DLGAP1: variants seen among roughly 807,000 people sequenced by gnomAD.
DLGAP1 encodes the protein DLG associated protein 1, also known as disks large-associated protein 1.
DLGAP1 carries 11 observed loss-of-function variants against 90.8 expected under a neutral mutation model. That is an observed-to-expected ratio of 0.12 (90% confidence interval 0.08 to 0.20). The LOEUF (loss-of-function observed/expected upper bound fraction) is 0.20. Ranked by LOEUF, DLGAP1 falls within the 10% of genes least tolerant of loss-of-function variation. The probability of loss-of-function intolerance (pLI) is 1.00; values close to 1 mark genes in which losing one functional copy is unlikely to be tolerated. For synonymous variants in DLGAP1, 558 were observed against 540.7 expected (o/e 1.03, Z -0.44); for missense variants, 1,050 against 1,333.8 (o/e 0.79, Z 3.31).
At chr18:4,246,570 C>T (rs538342108) in intron 1 of DLGAP1, among the ~76,000 whole-genome samples, 97 of 152,290 alleles carry the variant, frequency 6.4e-4, no homozygotes, top group Non-Finnish European at 1.1e-3. Context: ...GGCCTGGGGA[C>T]GCACAGTGTC....
rs532425017 is a variant in DLGAP1 at position 4,337,350 on chromosome 18, C to T, written c.-267+117656G>A. On this transcript the variant is annotated intron_variant, in intron 1 of 12. Coordinates refer to ENST00000315677, the MANE Select transcript of DLGAP1 (RefSeq NM_004746.4). ...CTGGGACTACAGGTGCATGCCACCA[C>T]GCCCGGCTAATTTTTCCTACTTTTT... Among the ~76,000 whole-genome samples, 5 of 151,774 alleles carry T rather than the reference C, an allele frequency of 3.3e-5. No individual in the cohort carries two copies. In the East Asian group the frequency reaches 5.9e-4, roughly 18 times the overall value.
At chr18:3,796,972 G>T (rs1156944818) in intron 5 of DLGAP1, among the ~76,000 whole-genome samples, 1 of 152,132 alleles carries the variant, frequency 6.6e-6, no homozygotes. Flanking sequence ...GGGCCTTTGG[G>T]AGGCAATTAG....
intron 2 of DLGAP1, among the ~76,000 whole-genome samples, chr18:4,146,259 C>T (rs1433050315): frequency 2.6e-5 from 4 of 152,130 alleles, no homozygotes; most frequent in African/African-American, 9.7e-5. Flanking sequence ...GGTAATAACA[C>T]GGCCCCCATT....
intron 2 of DLGAP1, among the ~76,000 whole-genome samples, chr18:4,014,526 T>C (rs1027344435): frequency 6.6e-6 from 1 of 152,116 alleles, no homozygotes; most frequent in African/African-American, 2.4e-5. Context: ...TATTGTACAC[T>C]TCAAAGTAGC....
chr18:4,048,799 C>A (rs1345489093), intron 2 of DLGAP1, among the ~76,000 whole-genome samples: 1 of 152,204 alleles, frequency 6.6e-6, no homozygotes, highest in African/African-American at 2.4e-5. Context: ...TGACTTTTGT[C>A]ACTATCTCTA....
chr18:3,593,776 A>G (rs940152151), intron 7 of DLGAP1: 4 of 152,176 alleles, frequency 2.6e-5, no homozygotes, highest in Non-Finnish European at 5.9e-5. Context: ...TGGGGAGAGC[A>G]GATCTTTCAG....
At chr18:3,741,052 CCACCAT>C in intron 6 of DLGAP1, among the ~76,000 whole-genome samples, 1 of 121,114 alleles carries the variant, frequency 8.3e-6, no homozygotes, top group Non-Finnish European at 1.7e-5. Context: ...CTCACCACCA[CCACCAT>C]CACCACCACC....
intron 1 of DLGAP1, among the ~76,000 whole-genome samples, chr18:4,408,816 T>C (rs1055837525): frequency 6.6e-6 from 1 of 152,068 alleles, no homozygotes; most frequent in Non-Finnish European, 1.5e-5. Flanking sequence ...TGTAGAAAAA[T>C]CATATACTCA....
intron 6 of DLGAP1, among the ~76,000 whole-genome samples, chr18:3,739,784 GA>G (rs11306184): frequency 0.53 from 80,527 of 151,364 alleles, 21,844 homozygotes; most frequent in East Asian, 0.66. Context: ...AAAAATAAAA[GA>G]AAAAAAAAGA....
intron 1 of DLGAP1, among the ~76,000 whole-genome samples, chr18:4,212,701 G>T (rs985799597): frequency 6.6e-6 from 1 of 150,916 alleles, no homozygotes; most frequent in African/African-American, 2.4e-5. Context: ...TAGCTTAATT[G>T]GTATACTTTT....
At chr18:4,367,182 T>G (rs1434070735) in intron 1 of DLGAP1, among the ~76,000 whole-genome samples, 1 of 145,376 alleles carries the variant, frequency 6.9e-6, no homozygotes, top group Admixed American at 7.0e-5. Flanking sequence ...TTACATCTAG[T>G]ATGTAATATA....
At chr18:4,092,313 C>T (rs1445267314) in intron 2 of DLGAP1, among the ~76,000 whole-genome samples, 1 of 152,144 alleles carries the variant, frequency 6.6e-6, no homozygotes, top group Non-Finnish European at 1.5e-5. Context: ...GGGAGTGGAG[C>T]AGCGAAGAGG....
chr18:4,273,051 T>G (rs975799291), intron 1 of DLGAP1, among the ~76,000 whole-genome samples: 1 of 152,158 alleles, frequency 6.6e-6, no homozygotes, highest in Admixed American at 6.5e-5. Context: ...TGCCAGCACC[T>G]TGACTTTGAA....
At chr18:3,644,132 G>A (rs1420069368) in intron 7 of DLGAP1, among the ~76,000 whole-genome samples, 2 of 152,168 alleles carry the variant, frequency 1.3e-5, no homozygotes, top group African/African-American at 2.4e-5. Flanking sequence ...GACTGTGAAG[G>A]CTGTGGGTTC....
chr18:4,436,470 G>A (rs1236240523), intron 1 of DLGAP1, among the ~76,000 whole-genome samples: 4 of 152,094 alleles, frequency 2.6e-5, no homozygotes, highest in Admixed American at 2.6e-4. Context: ...ATGCGATGTT[G>A]CTGGTCCAGA....
rs138778229 is a variant in DLGAP1, at chr18:3,949,549, G to T, written c.-73+55567C>A. Reference sequence around the variant, plus strand: ...CCTTCTCTTAAATCACGTGATGTGGGTTCTGCCTTCCTCACAGGACCCTGG... The same window carrying T: ...CCTTCTCTTAAATCACGTGATGTGGTTTCTGCCTTCCTCACAGGACCCTGG... On this transcript the variant is annotated intron_variant, in intron 3 of 12. Coordinates refer to ENST00000315677, the MANE Select transcript of DLGAP1 (RefSeq NM_004746.4). Among the ~76,000 whole-genome samples, 136 of 152,182 alleles carry T rather than the reference G, an allele frequency of 8.9e-4. 1 individual carries two copies. The Middle Eastern group carries it at 0.048, about 53-fold the overall frequency.
intron 4 of DLGAP1, 61 bp from the exon 5 acceptor site, chr18:3,814,334 T>G (rs2066987048): frequency 1.3e-6 from 2 of 1,483,526 alleles, no homozygotes; most frequent in Non-Finnish European, 1.8e-6. Context: ...TCTTTTCTTT[T>G]TCTTTTTTTT....
chr18:3,830,983 C>A (rs2068001807), intron 4 of DLGAP1, among the ~76,000 whole-genome samples: 1 of 152,252 alleles, frequency 6.6e-6, no homozygotes, highest in Admixed American at 6.5e-5. Context: ...GGACACCTTT[C>A]ATCCCAGATT....
chr18:4,430,502 CTGTGTGTGTGTGTGTG>C (rs869047448), intron 1 of DLGAP1: 6 of 142,550 alleles, frequency 4.2e-5, no homozygotes, highest in Admixed American at 1.4e-4. Flanking sequence ...TCTTGTGTGT[CTGTGTGTGTGTGTGTG>C]TGTGTGTGTG....
Sources: gnomAD v4.1 joint callset for allele counts (sites outside exome capture counted in the v4.1 genomes callset) on GRCh38, gnomAD v4.1.1 for gene constraint, MANE v1.5 for transcripts, NCBI Gene and HGNC (gene_info 2026-07-23, HGNC 2026-07-21) for gene names.